The following NRXN3 variants were observed in gnomAD, a reference collection of about 807,000 sequenced individuals.
NRXN3 encodes the protein neurexin III.
In NRXN3, 32 loss-of-function variants were observed where a neutral mutation model predicts 137.6. The observed-to-expected ratio is 0.23, with a 90% CI of 0.18 to 0.31. NRXN3 has a LOEUF of 0.31. Ranked by LOEUF, NRXN3 falls within the 10% of genes least tolerant of loss-of-function variation. NRXN3 has a pLI of 1.00. For missense variants in NRXN3, 1,574 were observed against 2,062.5 expected (o/e 0.76, Z 4.59); for synonymous variants, 798 against 784.5 (o/e 1.02, Z -0.29).
At chr14:78,777,207 C>A (rs1567280205) in intron 8 of NRXN3, among the ~76,000 whole-genome samples, 1 of 152,166 alleles carries the variant, frequency 6.6e-6, no homozygotes, top group East Asian at 1.9e-4. Context: ...CTCCATAGAG[C>A]CTTACTTACT....
At chr14:79,328,118 A>C (rs1665128761) in intron 15 of NRXN3, among the ~76,000 whole-genome samples, 1 of 152,164 alleles carries the variant, frequency 6.6e-6, no homozygotes, top group Non-Finnish European at 1.5e-5. Context: ...ATGTATCCTG[A>C]AACTTAAAAT....
chr14:78,648,245 A>T (rs2097706066), intron 5 of NRXN3, among the ~76,000 whole-genome samples: 1 of 152,232 alleles, frequency 6.6e-6, no homozygotes, highest in Non-Finnish European at 1.5e-5. Context: ...GGTCCTTGAC[A>T]TTGCCTGAGT....
chr14:79,544,440 T>G (rs2097300775), intron 16 of NRXN3, among the ~76,000 whole-genome samples: 2 of 152,194 alleles, frequency 1.3e-5, no homozygotes, highest in African/African-American at 4.8e-5. Context: ...CATCTCTTCT[T>G]AATAATGTGC....
chr14:78,663,046 A>G (rs2097853571), intron 6 of NRXN3, among the ~76,000 whole-genome samples: 1 of 152,184 alleles, frequency 6.6e-6, no homozygotes, highest in Non-Finnish European at 1.5e-5. Context: ...TCTCACAAAA[A>G]AGCTTATGAG....
chr14:79,433,900 G>T (rs2095803221), intron 15 of NRXN3, among the ~76,000 whole-genome samples: 1 of 152,102 alleles, frequency 6.6e-6, no homozygotes, highest in South Asian at 2.1e-4. Flanking sequence ...ATAGAACGTA[G>T]GATCCAGTCT....
intron 4 of NRXN3, among the ~76,000 whole-genome samples, chr14:78,508,116 A>G (rs1471657456): frequency 6.6e-6 from 1 of 152,188 alleles, no homozygotes; most frequent in Non-Finnish European, 1.5e-5. Flanking sequence ...ACGAATGTCA[A>G]TCTCAGGTAG....
chr14:78,890,152 G>A (rs773774118), intron 10 of NRXN3, among the ~76,000 whole-genome samples: 41 of 151,952 alleles, frequency 2.7e-4, no homozygotes, highest in Non-Finnish European at 5.4e-4. Context: ...AATTTCTGTT[G>A]TTTTAAGCCA....
intron 4 of NRXN3, among the ~76,000 whole-genome samples, chr14:78,532,785 C>A (rs2096486484): frequency 6.6e-6 from 1 of 151,820 alleles, no homozygotes; most frequent in South Asian, 2.1e-4. Context: ...TTACACAACT[C>A]ATTGAAATCT....
At chr14:78,221,817 G>A (rs1288945318) in intron 1 of NRXN3, among the ~76,000 whole-genome samples, 1 of 152,192 alleles carries the variant, frequency 6.6e-6, no homozygotes, top group Non-Finnish European at 1.5e-5. Flanking sequence ...GTGCCAAAGA[G>A]CAAGCACTTT....
In NRXN3 at chr14:79,632,619, A is replaced by C. The variant is rs546223600; in HGVS notation, c.3445-31159A>C. Among the ~76,000 whole-genome samples, 4 of 152,332 alleles carry C rather than the reference A, an allele frequency of 2.6e-5. No individual in the cohort carries two copies. In the East Asian group the frequency reaches 5.8e-4, roughly 22 times the overall value. On this transcript the variant is annotated intron_variant, in intron 16 of 20. Coordinates refer to ENST00000335750, the MANE Select transcript of NRXN3 (RefSeq NM_001330195.2). ...AAAATTTCACTTCATGATTAAAACA[A>C]ATTATATCTCTGTCTTTGCCTAAGA...
intron 15 of NRXN3, among the ~76,000 whole-genome samples, chr14:79,191,107 C>T (rs1490231063): frequency 6.6e-6 from 1 of 152,140 alleles, no homozygotes; most frequent in Non-Finnish European, 1.5e-5. Context: ...TGGATGAAGG[C>T]CTGAGTATCA....
intron 15 of NRXN3, among the ~76,000 whole-genome samples, chr14:79,343,706 A>G (rs1356913730): frequency 6.6e-6 from 1 of 152,160 alleles, no homozygotes; most frequent in Non-Finnish European, 1.5e-5. Flanking sequence ...CAATCTCAGG[A>G]AAATACTTTC....
intron 1 of NRXN3, among the ~76,000 whole-genome samples, chr14:78,241,916 T>A (rs752950471): frequency 1.3e-5 from 2 of 152,220 alleles, no homozygotes; most frequent in Non-Finnish European, 2.9e-5. Context: ...TAAACATTTC[T>A]TTCACAAATT....
intron 19 of NRXN3, among the ~76,000 whole-genome samples, chr14:79,716,549 T>G (rs886463440): frequency 6.6e-6 from 1 of 152,144 alleles, no homozygotes; most frequent in African/African-American, 2.4e-5. Context: ...TTCTTCTTCC[T>G]ATTTTTCTCA....
chr14:78,476,456 G>C (rs1331041848), intron 4 of NRXN3, among the ~76,000 whole-genome samples: 2 of 152,212 alleles, frequency 1.3e-5, no homozygotes, highest in Non-Finnish European at 2.9e-5. Flanking sequence ...CCTGGACCCA[G>C]CAGATCTAGG....
chr14:79,189,969 A>G (rs562330354), intron 15 of NRXN3, among the ~76,000 whole-genome samples: 3 of 152,300 alleles, frequency 2.0e-5, no homozygotes, highest in African/African-American at 7.2e-5. Flanking sequence ...AGGAATTTAT[A>G]TTACACTTGA....
At chr14:79,624,809 T>TG (rs2098265875) in intron 16 of NRXN3, among the ~76,000 whole-genome samples, 6 of 144,564 alleles carry the variant, frequency 4.2e-5, no homozygotes, top group African/African-American at 1.6e-4. Context: ...TTTTGTTTGT[T>TG]TTTGTTTTTT....
intron 15 of NRXN3, among the ~76,000 whole-genome samples, chr14:79,226,471 C>T (rs2070886214): frequency 1.3e-5 from 2 of 152,002 alleles, no homozygotes; most frequent in African/African-American, 4.8e-5. Flanking sequence ...ATTTTGAGTT[C>T]CTCTTGTTTC....
chr14:78,235,026 G>GTATATATATATATATATATA lies in NRXN3; in HGVS notation c.-703-7354_-703-7353insATATATATATATATATATAT, dbSNP rs377371263. On this transcript the variant is annotated intron_variant, in intron 1 of 20. Transcript: ENST00000335750. ...TATATATATATATATATATATATGT[G>GTATATATATATATATATATA]TATATATATATGTGTGTGTGTGTGT... Among the ~76,000 whole-genome samples, 17 of 87,308 alleles carry GTATATATATATATATATATA rather than the reference G, an allele frequency of 1.9e-4. 1 individual carries two copies. The highest frequency in any genetic ancestry group is 7.3e-4 in the African/African-American group (15 of 20,596). The allele number at this position is 87,308 out of a possible 152,430, so 57.3% of individuals were successfully genotyped here.
Sources: gnomAD v4.1 joint callset for allele counts (sites outside exome capture counted in the v4.1 genomes callset) on GRCh38, gnomAD v4.1.1 for gene constraint, MANE v1.5 for transcripts, NCBI Gene and HGNC (gene_info 2026-07-23, HGNC 2026-07-21) for gene names.